The following ASTN2 variants were observed in gnomAD, a reference collection of about 807,000 sequenced individuals.
ASTN2 encodes astrotactin 2.
In ASTN2, 54 loss-of-function variants were observed where a neutral mutation model predicts 139.8. The observed-to-expected ratio is 0.39, with a 90% CI of 0.31 to 0.48. The LOEUF (loss-of-function observed/expected upper bound fraction) is 0.48. ASTN2 is among the 20% of genes least tolerant of loss of function. The pLI, the probability that ASTN2 is intolerant of heterozygous loss-of-function variation, is 0.95. For synonymous variants in ASTN2, 756 were observed against 719.5 expected (o/e 1.05, Z -0.81); for missense variants, 1,565 against 1,725.1 (o/e 0.91, Z 1.64).
At chr9:117,125,375 T>C (rs1829660826) in intron 4 of ASTN2, among the ~76,000 whole-genome samples, 1 of 152,188 alleles carries the variant, frequency 6.6e-6, no homozygotes, top group Admixed American at 6.5e-5. Flanking sequence ...TTAAAAAATA[T>C]ATATCTTCTT....
intron 19 of ASTN2, among the ~76,000 whole-genome samples, chr9:116,502,410 G>A (rs539781137): frequency 6.6e-6 from 1 of 151,862 alleles, no homozygotes. Flanking sequence ...AGCAGAAACT[G>A]AGAGCCACAG....
intron 18 of ASTN2, among the ~76,000 whole-genome samples, chr9:116,619,818 T>C (rs577396242): frequency 1.1e-4 from 16 of 150,824 alleles, no homozygotes; most frequent in Middle Eastern, 3.4e-3. Context: ...GCATGAGCCA[T>C]GGTGCTCAGC....
chr9:117,266,278 T>TAC (rs1310547172), intron 2 of ASTN2, among the ~76,000 whole-genome samples: 1 of 151,992 alleles, frequency 6.6e-6, no homozygotes, highest in Admixed American at 6.6e-5. Context: ...TAAGCACGCC[T>TAC]ACAAAGCAAA....
chr9:116,936,239 CCACCACCACCAT>C (rs1345402092), intron 10 of ASTN2, among the ~76,000 whole-genome samples: 1 of 138,540 alleles, frequency 7.2e-6, no homozygotes, highest in African/African-American at 2.7e-5. Context: ...ACCATCACCA[CCACCACCACCAT>C]CACCACCACC....
chr9:116,473,756 A>T (rs1410468976), intron 20 of ASTN2, among the ~76,000 whole-genome samples: 1 of 152,100 alleles, frequency 6.6e-6, no homozygotes, highest in Non-Finnish European at 1.5e-5. Context: ...TACAAAAATT[A>T]GCTGGGCGTG....
chr9:117,400,006 T>C (rs1026104520), intron 1 of ASTN2, among the ~76,000 whole-genome samples: 1 of 152,224 alleles, frequency 6.6e-6, no homozygotes, highest in African/African-American at 2.4e-5. Context: ...ATTTATTGAG[T>C]ATCTACTATA....
chr9:116,712,315 C>T (rs1828185162), intron 16 of ASTN2, among the ~76,000 whole-genome samples: 1 of 152,154 alleles, frequency 6.6e-6, no homozygotes, highest in African/African-American at 2.4e-5. Flanking sequence ...GGTGTTCATG[C>T]CACACTTTAT....
At chr9:116,609,305 T>TCG in intron 19 of ASTN2, among the ~76,000 whole-genome samples, 1 of 114,624 alleles carries the variant, frequency 8.7e-6, no homozygotes, top group Non-Finnish European at 1.7e-5. Flanking sequence ...GATCTCTCTC[T>TCG]CTCTCTCTCT....
chr9:116,770,997 A>G (rs1829940247), intron 13 of ASTN2, among the ~76,000 whole-genome samples: 1 of 152,190 alleles, frequency 6.6e-6, no homozygotes, highest in Non-Finnish European at 1.5e-5. Flanking sequence ...CAGAAAGACC[A>G]AACCATTTAC....
chr9:116,632,208 A>C (rs1267790079), intron 17 of ASTN2, among the ~76,000 whole-genome samples: 6 of 70,406 alleles, frequency 8.5e-5, no homozygotes, highest in African/African-American at 3.4e-4. Context: ...AAGAAAGAAA[A>C]GAAAGAAAGA....
chr9:117,048,775 G>A (rs996426961), intron 5 of ASTN2, among the ~76,000 whole-genome samples: 1 of 152,084 alleles, frequency 6.6e-6, no homozygotes, highest in Admixed American at 6.6e-5. Context: ...AGACAAATGA[G>A]AAGTGACAGT....
At position 116,936,365 on chromosome 9, in the gene ASTN2, A is replaced by T. The variant is rs555158517; in HGVS notation, c.1889+38843T>A. Among the ~76,000 whole-genome samples the T allele has an allele frequency of 2.0e-5, 3 of 151,414 alleles. No homozygotes were observed. In the South Asian group the frequency reaches 6.3e-4, roughly 32 times the overall value. On this transcript the variant is annotated intron_variant, in intron 10 of 22. Coordinates refer to ENST00000313400, the MANE Select transcript of ASTN2 (RefSeq NM_001365068.1). ...TCCCACCACTACAATCACAGCCACC[A>T]CTACAACCCCAGGTACTGCCAAACC...
chr9:117,164,061 T>G (rs2132908431), intron 3 of ASTN2, among the ~76,000 whole-genome samples: 1 of 151,346 alleles, frequency 6.6e-6, no homozygotes, highest in South Asian at 2.1e-4. Flanking sequence ...TCAGTGATTT[T>G]TTGATTGATA....
At chr9:116,831,558 A>T (rs1831814960) in intron 11 of ASTN2, among the ~76,000 whole-genome samples, 1 of 152,210 alleles carries the variant, frequency 6.6e-6, no homozygotes, top group East Asian at 1.9e-4. Flanking sequence ...TCTAGAGAAG[A>T]GACAAATAAT....
chr9:117,369,438 G>C (rs1829933061), intron 1 of ASTN2, among the ~76,000 whole-genome samples: 1 of 152,058 alleles, frequency 6.6e-6, no homozygotes, highest in Non-Finnish European at 1.5e-5. Context: ...CAAGGAGGTT[G>C]CAATACCCAT....
At position 116,975,242 on chromosome 9, in the gene ASTN2, C is replaced by G; in HGVS notation, c.1855G>C (p.Asp619His). The change falls in exon 10 of 23, where the codon GAT becomes CAT. Residue 619 changes from aspartate to histidine, a missense_variant. Physicochemically the swap from Asp to His is moderately conservative, Grantham distance 81 (BLOSUM62 -1). This residue lies in a region of ASTN2 where 503 missense variants were observed against 591.7 expected (regional missense o/e 0.85). Transcript: ENST00000313400. ...SINPLASCKT[D>H]VLVTEDPADV... ...GCAGGGTCTTCCGTGACGAGCACATCGGTCTTGCAGCTGGCCAGGGGGTTG... is the reference window on the plus strand; with the variant it reads ...GCAGGGTCTTCCGTGACGAGCACATGGGTCTTGCAGCTGGCCAGGGGGTTG... 6.2e-7 allele frequency: 1 copy of G among 1,613,138 alleles called. No homozygotes were observed. The highest frequency in any genetic ancestry group is 8.5e-7 in the Non-Finnish European group (1 of 1,179,520).
chr9:116,836,408 C>T (rs1018226152), intron 11 of ASTN2, among the ~76,000 whole-genome samples: 1 of 152,248 alleles, frequency 6.6e-6, no homozygotes, highest in East Asian at 1.9e-4. Context: ...GATTAAAGTC[C>T]TGGCTCCCCA....
intron 3 of ASTN2, among the ~76,000 whole-genome samples, chr9:117,173,471 A>T (rs1830841962): frequency 1.3e-5 from 2 of 152,184 alleles, no homozygotes; most frequent in South Asian, 4.1e-4. Context: ...GAAACTATTT[A>T]TAAAAAGTAG....
intron 3 of ASTN2, among the ~76,000 whole-genome samples, chr9:117,204,435 G>T (rs1280710669): frequency 1.3e-5 from 2 of 152,188 alleles, no homozygotes; most frequent in African/African-American, 2.4e-5. Flanking sequence ...CTACTATGAA[G>T]TGTTAGCCAC....
Sources: allele counts gnomAD v4.1 joint callset (sites outside exome capture counted in the v4.1 genomes callset), GRCh38; gene constraint gnomAD v4.1.1; regional missense constraint gnomAD v4.1.1; transcripts MANE v1.5; gene names NCBI Gene and HGNC (gene_info 2026-07-23, HGNC 2026-07-21).